CCDC87: variants seen among roughly 807,000 people sequenced by gnomAD.
CCDC87 encodes coiled-coil domain-containing protein 87.
For synonymous variants in CCDC87, 434 were observed against 440.2 expected (o/e 0.99, Z 0.18); for missense variants, 1,072 against 1,041.7 (o/e 1.03, Z -0.40).
Position 66,592,181 on chromosome 11 carries a change from T to C in CCDC87, c.835A>G (p.Ser279Gly). The C allele has an allele frequency of 1.6e-5, 25 of 1,597,146 alleles. No homozygotes were observed. Among genetic ancestry groups the C allele is most frequent in the Non-Finnish European group, 2.1e-5 (25 of 1,171,914 alleles). Residue 279 changes from serine (S) to glycine (G), a missense_variant, in exon 1 of 1, where the codon AGT (serine) becomes GGT (glycine). Transcript: ENST00000333861. ...GGCAGCGACACCATCTGTGAGGAACTGATGTCGATTTCTCTCTTCTTTCCT... is the reference window on the plus strand; with the variant it reads ...GGCAGCGACACCATCTGTGAGGAACCGATGTCGATTTCTCTCTTCTTTCCT... ...SIGKKREIDI[S>G]SSQMVSLPSY... is the part of the protein sequence containing the mutation.
Position 66,590,676 on chromosome 11 carries a change from C to T in CCDC87, c.2340G>A (p.Glu780=). Residue 780 remains glutamate, a synonymous_variant, in exon 1 of 1, where the codon GAG becomes GAA. Coordinates refer to ENST00000333861, the MANE Select transcript of CCDC87 (RefSeq NM_018219.3). ...SHLHRKLNLM[E]SSLVSLLEEI... is the part of the protein sequence containing the mutation. ...CCTCCAGGAGGGAAACCAAAGAAGA[C>T]TCCATTAAGTTGAGCTTCCTGTGGA... 6.2e-7 allele frequency: 1 copy of T among 1,614,070 alleles called. No individual in the cohort carries two copies. Among genetic ancestry groups the T allele is most frequent in the Non-Finnish European group, 8.5e-7 (1 of 1,179,936 alleles).
At position 66,591,505 on chromosome 11, in the gene CCDC87, G is replaced by A. The variant is rs565595374; in HGVS notation, c.1511C>T (p.Ser504Phe). 1.2e-6 allele frequency: 2 copies of A among 1,614,162 alleles called. No individual in the cohort carries two copies. The highest frequency in any genetic ancestry group is 2.7e-5 in the African/African-American group (2 of 75,048). ...CCCTTGATCAAAATGTAAGTGGTCA[G>A]AAGAGACATGGCTCATCAACTCCTT... is the stretch of plus-strand genomic sequence containing the variant. ...VYKELMSHVS[S>F]DHLHFDQGPL... is the part of the protein sequence containing the mutation. Residue 504 changes from serine (S) to phenylalanine (F), a missense_variant, in exon 1 of 1, where the codon TCT (serine) becomes TTT (phenylalanine). Physicochemically the swap from Ser to Phe is radical, Grantham distance 155. Coordinates refer to ENST00000333861, the MANE Select transcript of CCDC87 (RefSeq NM_018219.3).
rs1271227957 is a variant in CCDC87, at chr11:66,591,866, C to T, written c.1150G>A (p.Val384Ile). The T allele has an allele frequency of 6.2e-7, 1 of 1,613,538 alleles. No individual in the cohort carries two copies. Among genetic ancestry groups the T allele is most frequent in the Non-Finnish European group, 8.5e-7 (1 of 1,179,856 alleles). The change falls in exon 1 of 1, where the codon GTT (valine) becomes ATT (isoleucine). Residue 384 changes from valine to isoleucine, a missense_variant. Val to Ile is a conservative substitution (Grantham distance 29, BLOSUM62 3). Coordinates refer to ENST00000333861, the MANE Select transcript of CCDC87 (RefSeq NM_018219.3). Reference protein sequence around the residue: ...LDSGLPPLLGVVTRHPAAGHR... With the variant: ...LDSGLPPLLGIVTRHPAAGHR... ...CCTGCAGCTGGGTGACGGGTCACAA[C>T]CCCCAGGAGAGGAGGCAGGCCTGAG...
In CCDC87 at chr11:66,591,994, G is replaced by C; in HGVS notation, c.1022C>G (p.Ala341Gly). 1.9e-6 allele frequency: 3 copies of C among 1,613,902 alleles called. No individual in the cohort carries two copies. Among genetic ancestry groups the C allele is most frequent in the Non-Finnish European group, 1.7e-6 (2 of 1,180,020 alleles). ...AGTCAGCTCTGGTTTGCTCTCTGTA[G>C]CCAAGACCAGCGGGGTTAAGGGGCG... ...PSRPLTPLVLATESKPELTGL... is the reference protein window; with the variant it reads ...PSRPLTPLVLGTESKPELTGL... The change falls in exon 1 of 1, where the codon GCT becomes GGT. Residue 341 changes from alanine (A) to glycine (G), a missense_variant. Transcript: ENST00000333861.
chr11:66,590,693 T>C lies in CCDC87; in HGVS notation c.2323A>G (p.Lys775Glu), dbSNP rs1211449409. 1.2e-6 allele frequency: 2 copies of C among 1,614,178 alleles called. No individual in the cohort carries two copies. The highest frequency in any genetic ancestry group is 2.7e-5 in the African/African-American group (2 of 75,066). The change falls in exon 1 of 1, where the codon AAG (lysine) becomes GAG (glutamate). Residue 775 changes from lysine (K) to glutamate (E), a missense_variant. Coordinates refer to ENST00000333861, the MANE Select transcript of CCDC87 (RefSeq NM_018219.3). ...ENQVRSHLHR[K>E]LNLMESSLVS... The stretch of plus-strand genomic sequence containing the variant: ...AAAGAAGACTCCATTAAGTTGAGCT[T>C]CCTGTGGAGATGGCTTCGGACCTGA...
chr11:66,591,565 T>C lies in CCDC87; in HGVS notation c.1451A>G (p.Asp484Gly). The change falls in exon 1 of 1, where the codon GAT (aspartate) becomes GGT (glycine). Residue 484 changes from aspartate to glycine, a missense_variant. By Grantham distance (94) the Asp-to-Gly change is moderately conservative. Coordinates refer to ENST00000333861, the MANE Select transcript of CCDC87 (RefSeq NM_018219.3). Reference protein sequence around the residue: ...DPKAIEKMDIDNFVGSTTREV... With the variant: ...DPKAIEKMDIGNFVGSTTREV... The stretch of plus-strand genomic sequence containing the variant: ...CCTGGTAGTACTGCCAACAAAGTTA[T>C]CAATATCCATTTTTTCAATGGCTTT... 6.2e-7 allele frequency: 1 copy of C among 1,614,178 alleles called. No homozygotes were observed. The highest frequency in any genetic ancestry group is 8.5e-7 in the Non-Finnish European group (1 of 1,180,042).
In CCDC87 at chr11:66,591,123, G is replaced by A. The variant is rs746675546; in HGVS notation, c.1893C>T (p.Ser631=). 14 of 1,613,964 alleles carry A rather than the reference G, an allele frequency of 8.7e-6. No individual in the cohort carries two copies. The highest frequency in any genetic ancestry group is 3.3e-5 in the South Asian group (3 of 91,086). The change falls in exon 1 of 1, where the codon TCC becomes TCT. Residue 631 remains serine (S), a synonymous_variant. Transcript: ENST00000333861. The part of the protein sequence containing the change: ...PVEIVAPARE[S]LEIQHPPPLL... The stretch of plus-strand genomic sequence containing the variant: ...ATGGGGGAGGGTGCTGAATCTCTAG[G>A]GACTCTCTGGCAGGGGCCACAATCT...
rs1191513205 is a variant in CCDC87, at chr11:66,590,461, A to T, written c.*5T>A. ...AAGGAGTAATAGGGGTATTCCCAGG[A>T]GCTACTAAAGGCTGGCTGCTGAGCT... On this transcript the variant is annotated 3_prime_UTR_variant, in exon 1 of 1. Transcript: ENST00000333861. 5.6e-6 allele frequency: 9 copies of T among 1,598,112 alleles called. No homozygotes were observed. Among genetic ancestry groups the T allele is most frequent in the Non-Finnish European group, 7.7e-6 (9 of 1,172,260 alleles).
Position 66,592,882 on chromosome 11 carries a change from A to G in CCDC87, c.134T>C (p.Leu45Pro). 4 of 1,551,788 alleles carry G rather than the reference A, an allele frequency of 2.6e-6. No homozygotes were observed. Among genetic ancestry groups the G allele is most frequent in the Non-Finnish European group, 3.5e-6 (4 of 1,149,934 alleles). ...CAGCTTCGCCAGAGGGAAGGACTGC[A>G]GAATCCGGCCCTCCTGCGGGGGGCG... ...QKRPPQEGRI[L>P]QSFPLAKLTV... The change falls in exon 1 of 1, where the codon CTG becomes CCG. Residue 45 changes from leucine to proline, a missense_variant. By Grantham distance (98) the Leu-to-Pro change is moderately conservative. Transcript: ENST00000333861.
At position 66,591,238 on chromosome 11, in the gene CCDC87, G is replaced by A. The variant is rs779547079; in HGVS notation, c.1778C>T (p.Ser593Phe). The A allele has an allele frequency of 6.2e-7, 1 of 1,614,152 alleles. No individual in the cohort carries two copies. The highest frequency in any genetic ancestry group is 2.2e-5 in the East Asian group (1 of 44,898). ...SLMNSWKTTL[S>F]VDDYFKYLTN... ...GAGGTACTTGAAGTAGTCATCCACAGACAAGGTGGTTTTCCATGAGTTCAT... is the reference window on the plus strand; with the variant it reads ...GAGGTACTTGAAGTAGTCATCCACAAACAAGGTGGTTTTCCATGAGTTCAT... Residue 593 changes from serine to phenylalanine, a missense_variant, in exon 1 of 1, where the codon TCT (serine) becomes TTT (phenylalanine). Physicochemically the swap from Ser to Phe is radical, Grantham distance 155. Coordinates refer to ENST00000333861, the MANE Select transcript of CCDC87 (RefSeq NM_018219.3).
In CCDC87 at chr11:66,591,596, C is replaced by A. The variant is rs2134973641; in HGVS notation, c.1420G>T (p.Asp474Tyr). Residue 474 changes from aspartate to tyrosine, a missense_variant, in exon 1 of 1, where the codon GAT (aspartate) becomes TAT (tyrosine). Transcript: ENST00000333861. ...TCCATTTTTTCAATGGCTTTGGGATCCAGTTCACCAGCCAGATGGTTATAC... is the reference window on the plus strand; with the variant it reads ...TCCATTTTTTCAATGGCTTTGGGATACAGTTCACCAGCCAGATGGTTATAC... ...ALYNHLAGEL[D>Y]PKAIEKMDID... 6.2e-7 allele frequency: 1 copy of A among 1,614,122 alleles called. No individual in the cohort carries two copies. The highest frequency in any genetic ancestry group is 8.5e-7 in the Non-Finnish European group (1 of 1,180,034).
chr11:66,593,054 AG>A lies in CCDC87; in HGVS notation c.-40del, dbSNP rs769214699. ...GCCACCGTCCAGGAACAGAAAGCCG[AG>A]GGGTTACTAAGGCAACCAGGAGCCC... On this transcript the variant is annotated 5_prime_UTR_variant, in exon 1 of 1. Transcript: ENST00000333861. The A allele has an allele frequency of 4.0e-6, 6 of 1,499,536 alleles. No individual in the cohort carries two copies. The Admixed American group carries it at 1.2e-4, about 29-fold the overall frequency. The allele number at this position is 1,499,536 out of a possible 1,614,324, so 92.9% of individuals were successfully genotyped here. A position where few individuals can be genotyped will look rare whatever the true frequency, so the allele number is the denominator to read the frequency against.
Position 66,592,319 on chromosome 11 carries a change from G to C in CCDC87, c.697C>G (p.Leu233Val), listed in dbSNP as rs762921984. ...SNLNLNYLIQ[L>V]SRPPEFLNEP... ...TTGAGAAACTCTGGTGGACGGCTGA[G>C]TTGGATGAGGTAGTTCAGGTTGAGG... Residue 233 changes from leucine to valine, a missense_variant, in exon 1 of 1, where the codon CTC becomes GTC. Leu to Val is a conservative substitution (Grantham distance 32, BLOSUM62 1). Coordinates refer to ENST00000333861, the MANE Select transcript of CCDC87 (RefSeq NM_018219.3). 4.3e-6 allele frequency: 7 copies of C among 1,614,094 alleles called. No individual in the cohort carries two copies. Among genetic ancestry groups the C allele is most frequent in the Non-Finnish European group, 5.9e-6 (7 of 1,180,036 alleles).
In CCDC87 at chr11:66,592,827, G is replaced by C. The variant is rs1022679432; in HGVS notation, c.189C>G (p.Ala63=). The change falls in exon 1 of 1, where the codon GCC becomes GCG. Residue 63 remains alanine, a synonymous_variant. Coordinates refer to ENST00000333861, the MANE Select transcript of CCDC87 (RefSeq NM_018219.3). ...LTVASLCSQV[A]KLLAGSGIAA... ...CTATCCCGCTGCCGGCCAGCAGCTT[G>C]GCCACCTGGCTGCACAGCGACGCCA... The C allele has an allele frequency of 2.5e-6, 4 of 1,593,644 alleles. No homozygotes were observed. The Admixed American group carries it at 7.0e-5, about 28-fold the overall frequency.
chr11:66,591,683 C>A lies in CCDC87; in HGVS notation c.1333G>T (p.Ala445Ser). 1 of 1,613,660 alleles carries A rather than the reference C, an allele frequency of 6.2e-7. No individual in the cohort carries two copies. Reference protein sequence around the residue: ...LRNEVVVQAAAVRVSDRNFLD... With the variant: ...LRNEVVVQAASVRVSDRNFLD... ...AAGTTTCTATCAGAGACCCGTACGGCAGCCGCCTGGACCACGACCTCATTT... is the reference window on the plus strand; with the variant it reads ...AAGTTTCTATCAGAGACCCGTACGGAAGCCGCCTGGACCACGACCTCATTT... Residue 445 changes from alanine (A) to serine (S), a missense_variant, in exon 1 of 1, where the codon GCC (alanine) becomes TCC (serine). Physicochemically the swap from Ala to Ser is moderately conservative, Grantham distance 99. Coordinates refer to ENST00000333861, the MANE Select transcript of CCDC87 (RefSeq NM_018219.3).
At position 66,591,849 on chromosome 11, in the gene CCDC87, T is replaced by G; in HGVS notation, c.1167A>C (p.Pro389=). 1 of 1,613,662 alleles carries G rather than the reference T, an allele frequency of 6.2e-7. No homozygotes were observed. Among genetic ancestry groups the G allele is most frequent in the Non-Finnish European group, 8.5e-7 (1 of 1,179,848 alleles). The change falls in exon 1 of 1, where the codon CCA becomes CCC. Residue 389 remains proline (P), a synonymous_variant. Coordinates refer to ENST00000333861, the MANE Select transcript of CCDC87 (RefSeq NM_018219.3). ...GCTCCTCCAGGCGATGCCCTGCAGC[T>G]GGGTGACGGGTCACAACCCCCAGGA... ...PPLLGVVTRH[P]AAGHRLEELE...
At position 66,592,249 on chromosome 11, in the gene CCDC87, G is replaced by A; in HGVS notation, c.767C>T (p.Pro256Leu). The change falls in exon 1 of 1, where the codon CCT (proline) becomes CTT (leucine). Residue 256 changes from proline (P) to leucine (L), a missense_variant. Coordinates refer to ENST00000333861, the MANE Select transcript of CCDC87 (RefSeq NM_018219.3). ...GAAAGGCTTTTTCCTCTTCAACCGAGGGATGGACTTCAATTCCTTCACTGG... is the reference window on the plus strand; with the variant it reads ...GAAAGGCTTTTTCCTCTTCAACCGAAGGATGGACTTCAATTCCTTCACTGG... ...MDPVKELKSI[P>L]RLKRKKPFHW... 1 of 1,614,120 alleles carries A rather than the reference G, an allele frequency of 6.2e-7. No homozygotes were observed. Among genetic ancestry groups the A allele is most frequent in the South Asian group, 1.1e-5 (1 of 91,068 alleles).
rs1056976742 is a variant in CCDC87, at chr11:66,591,816, C to T, written c.1200G>A (p.Lys400=). The change falls in exon 1 of 1, where the codon AAG becomes AAA. Residue 400 remains lysine (K), a synonymous_variant. Transcript: ENST00000333861. The stretch of plus-strand genomic sequence containing the variant: ...CTTCCTCCTGGAGGTTCCTCAACAT[C>T]TTCTCCAGCTCCTCCAGGCGATGCC... ...AAGHRLEELE[K]MLRNLQEEEA... is the part of the protein sequence containing the mutation. The T allele has an allele frequency of 3.7e-6, 6 of 1,613,328 alleles. No homozygotes were observed. The highest frequency in any genetic ancestry group is 1.3e-5 in the African/African-American group (1 of 75,038).
rs1456794145 is a variant in CCDC87, at chr11:66,591,878, GA to G, written c.1137del (p.Pro380LeufsTer6). 7 of 1,613,838 alleles carry G rather than the reference GA, an allele frequency of 4.3e-6. No individual in the cohort carries two copies. Among genetic ancestry groups the G allele is most frequent in the African/African-American group, 1.3e-5 (1 of 74,932 alleles). On this transcript the variant is annotated frameshift_variant, in exon 1 of 1. Transcript: ENST00000333861. LOFTEE classifies it low-confidence loss of function (END_TRUNC). ...TRYPPLDSGLPPLLGVVTRHP... is the reference protein window; with the variant it reads ...TRYPPLDSGLXPLLGVVTRHP... Reference sequence around the variant, plus strand: ...TGACGGGTCACAACCCCCAGGAGAGGAGGCAGGCCTGAGTCCAGTGGTGGGT... The same window carrying G: ...TGACGGGTCACAACCCCCAGGAGAGGGGCAGGCCTGAGTCCAGTGGTGGGT...
Sources: gnomAD v4.1 joint callset for allele counts on GRCh38, gnomAD v4.1.1 for gene constraint, MANE v1.5 for transcripts, NCBI Gene and HGNC (gene_info 2026-07-23, HGNC 2026-07-21) for gene names.